The following CCDC15 variants were observed in gnomAD, a reference collection of about 807,000 sequenced individuals.
CCDC15 encodes the protein coiled-coil domain containing 15, also known as coiled-coil domain-containing protein 15.
Under a neutral mutation model 114.5 loss-of-function variants are expected in CCDC15, and 105 were observed. The observed-to-expected ratio is 0.92, with a 90% CI of 0.78 to 1.08. The LOEUF is 1.08. CCDC15 is among the 50% of genes least tolerant of loss of function. The pLI is 0.00. For synonymous variants in CCDC15, 334 were observed against 377.8 expected (o/e 0.88, Z 1.34); for missense variants, 1,105 against 1,093.6 (o/e 1.01, Z -0.15).
chr11:124,957,355 G>A (rs764108250), intron 2 of CCDC15, among the ~76,000 whole-genome samples: 31 of 152,190 alleles, frequency 2.0e-4, no homozygotes, highest in Non-Finnish European at 3.2e-4. Context: ...CTGACGCTTG[G>A]CCTAGGATGA....
intron 1 of CCDC15, 77 bp from the exon 2 acceptor site, chr11:124,954,647 T>C (rs929083323): frequency 1.2e-5 from 16 of 1,308,834 alleles, no homozygotes; most frequent in Non-Finnish European, 1.7e-5. Context: ...TTCACGGGCC[T>C]GTGGCTCATG....
At chr11:124,968,782 T>G (rs1947830343) in intron 4 of CCDC15, among the ~76,000 whole-genome samples, 2 of 152,206 alleles carry the variant, frequency 1.3e-5, no homozygotes, top group South Asian at 4.1e-4. Context: ...TATTCAGCCA[T>G]CTTGGAATGG....
At chr11:125,028,514 GGTTTT>G (rs1003719916) in intron 13 of CCDC15, among the ~76,000 whole-genome samples, 10 of 151,926 alleles carry the variant, frequency 6.6e-5, no homozygotes, top group Admixed American at 2.6e-4. Flanking sequence ...TGGTGGTGGT[GGTTTT>G]GTTTTGTTTT....
At chr11:125,016,452 C>G (rs1948630018) in intron 13 of CCDC15, among the ~76,000 whole-genome samples, 1 of 152,062 alleles carries the variant, frequency 6.6e-6, no homozygotes, top group Non-Finnish European at 1.5e-5. Flanking sequence ...GCAGAATTCT[C>G]TTTAAATATT....
intron 4 of CCDC15, among the ~76,000 whole-genome samples, chr11:124,971,017 A>G (rs1947868870): frequency 6.6e-6 from 1 of 152,134 alleles, no homozygotes; most frequent in Non-Finnish European, 1.5e-5. Context: ...TTGACATATT[A>G]CTACACAACC....
At chr11:125,033,522 T>G (rs897772440) in intron 13 of CCDC15, among the ~76,000 whole-genome samples, 1 of 152,190 alleles carries the variant, frequency 6.6e-6, no homozygotes, top group African/African-American at 2.4e-5. Flanking sequence ...TTCAAAGATG[T>G]AGGTGTTGCC....
At chr11:125,025,341 TGA>T (rs1948694101) in intron 13 of CCDC15, among the ~76,000 whole-genome samples, 1 of 151,564 alleles carries the variant, frequency 6.6e-6, no homozygotes, top group Non-Finnish European at 1.5e-5. Flanking sequence ...GTCTATGTTC[TGA>T]GAGATACTGG....
intron 13 of CCDC15, among the ~76,000 whole-genome samples, chr11:125,012,696 G>C (rs769078981): frequency 3.9e-5 from 6 of 152,158 alleles, no homozygotes; most frequent in Non-Finnish European, 7.4e-5. Flanking sequence ...CAGAATCAAG[G>C]TGGGAGGAAA....
intron 11 of CCDC15, among the ~76,000 whole-genome samples, chr11:125,000,528 G>A (rs1483218020): frequency 2.6e-5 from 4 of 152,178 alleles, no homozygotes. Context: ...ATCAATGAGA[G>A]CAAGAGAGAG....
In CCDC15 at chr11:124,959,936, T is replaced by C. The variant is rs771154313; in HGVS notation, c.449T>C (p.Leu150Pro). 6.3e-6 allele frequency: 10 copies of C among 1,585,772 alleles called. No homozygotes were observed. Among genetic ancestry groups the C allele is most frequent in the African/African-American group, 1.3e-5 (1 of 74,672 alleles). Residue 150 changes from leucine to proline, a missense_variant, in exon 4 of 16, where the codon CTG (leucine) becomes CCG (proline). Coordinates refer to ENST00000344762, the MANE Select transcript of CCDC15 (RefSeq NM_025004.3). ...AIGSSRLPPS[L>P]MPGDGIEDEE... ...GGAAGTTCTAGGTTACCTCCTTCCC[T>C]GATGCCTGGGGATGGAATAGAGGAT...
At chr11:125,006,778 T>C (rs1399775552) in intron 13 of CCDC15, among the ~76,000 whole-genome samples, 1 of 151,760 alleles carries the variant, frequency 6.6e-6, no homozygotes, top group Non-Finnish European at 1.5e-5. Flanking sequence ...GAAAAGACCA[T>C]CTTTTATTAA....
chr11:125,008,940 T>C (rs7108318), intron 13 of CCDC15, among the ~76,000 whole-genome samples: 40,511 of 151,986 alleles, frequency 0.27, 6,393 homozygotes, highest in African/African-American at 0.44. Flanking sequence ...TATAATGAGC[T>C]GGGCGCGGTG....
intron 13 of CCDC15, among the ~76,000 whole-genome samples, chr11:125,010,610 C>T (rs1048577249): frequency 5.3e-5 from 8 of 152,174 alleles, no homozygotes; most frequent in African/African-American, 1.9e-4. Flanking sequence ...ATCCACTTGC[C>T]TTGGCCTCCT....
At chr11:125,027,557 A>G (rs1249161423) in intron 13 of CCDC15, among the ~76,000 whole-genome samples, 1 of 150,892 alleles carries the variant, frequency 6.6e-6, no homozygotes, top group Non-Finnish European at 1.5e-5. Context: ...TTTCAAATTC[A>G]TGCCCTTTGC....
At chr11:124,973,836 C>T (rs536920626) in intron 4 of CCDC15, among the ~76,000 whole-genome samples, 1 of 152,200 alleles carries the variant, frequency 6.6e-6, no homozygotes, top group South Asian at 2.1e-4. Context: ...CATCATTTCT[C>T]TTCAAGGGAT....
At chr11:125,003,160 G>A (rs573782569) in intron 11 of CCDC15, among the ~76,000 whole-genome samples, 2 of 151,938 alleles carry the variant, frequency 1.3e-5, no homozygotes, top group African/African-American at 4.8e-5. Flanking sequence ...TACTGTAAAT[G>A]TAAATTTTTT....
intron 4 of CCDC15, among the ~76,000 whole-genome samples, chr11:124,966,651 A>G (rs1187746045): frequency 6.6e-6 from 1 of 152,172 alleles, no homozygotes; most frequent in Non-Finnish European, 1.5e-5. Flanking sequence ...ATTTAAGGTT[A>G]ATATTGTTAT....
chr11:125,009,109 C>A (rs1335854906), intron 13 of CCDC15, among the ~76,000 whole-genome samples: 3 of 151,352 alleles, frequency 2.0e-5, no homozygotes, highest in Non-Finnish European at 2.9e-5. Flanking sequence ...TCCTTGTAAT[C>A]CCAGCTACTC....
chr11:125,011,277 G>A (rs987287030), intron 13 of CCDC15, among the ~76,000 whole-genome samples: 3 of 145,280 alleles, frequency 2.1e-5, no homozygotes, highest in East Asian at 2.0e-4. Flanking sequence ...CACTCTTGTC[G>A]CCCAGGCTGG....
Sources: gnomAD v4.1 joint callset for allele counts (sites outside exome capture counted in the v4.1 genomes callset) on GRCh38, gnomAD v4.1.1 for gene constraint, MANE v1.5 for transcripts, NCBI Gene and HGNC (gene_info 2026-07-23, HGNC 2026-07-21) for gene names.